The following FBXL7 variants were observed in gnomAD, a reference collection of about 807,000 sequenced individuals.
FBXL7 encodes the protein F-box/LRR-repeat protein 7.
A neutral mutation model predicts 38.3 loss-of-function variants in FBXL7; 12 were observed. The ratio of observed to expected loss-of-function variants is 0.31; its 90% confidence interval spans 0.20 to 0.51. The LOEUF (loss-of-function observed/expected upper bound fraction) is 0.51. Among genes scored for constraint, FBXL7 ranks in the 20% least tolerant of loss-of-function variants. FBXL7 has a pLI of 0.98. For synonymous variants in FBXL7, 297 were observed against 300.9 expected, an observed-to-expected ratio of 0.99 and a Z score of 0.13; for missense variants, 567 against 676.4, an observed-to-expected ratio of 0.84 and a Z score of 1.79.
intron 2 of FBXL7, among the ~76,000 whole-genome samples, chr5:15,743,561 C>T (rs1488391449): frequency 6.6e-6 from 1 of 152,210 alleles, no homozygotes; most frequent in Admixed American, 6.5e-5. Context: ...TCACAGCTGG[C>T]ATTGAGTGTC....
Position 15,925,800 on chromosome 5 carries a change from T to C in FBXL7, c.128-2090T>C, listed in dbSNP as rs1579606973. 2.6e-5 allele frequency among the ~76,000 whole-genome samples: 4 copies of C among 152,364 alleles called. No individual in the cohort carries two copies. In the South Asian group the frequency reaches 8.3e-4, roughly 32 times the overall value. On this transcript the variant is annotated intron_variant, in intron 2 of 3. Transcript: ENST00000504595. Reference sequence around the variant, plus strand: ...CTATATAGATACATACCTATACAGATAGTTCCTGATTTTACTATGGCTTAA... The same window carrying C: ...CTATATAGATACATACCTATACAGACAGTTCCTGATTTTACTATGGCTTAA...
At chr5:15,715,801 G>T (rs1189415254) in intron 2 of FBXL7, among the ~76,000 whole-genome samples, 1 of 152,092 alleles carries the variant, frequency 6.6e-6, no homozygotes, top group Non-Finnish European at 1.5e-5. Flanking sequence ...TCCTATCTAA[G>T]CATGCTACTT....
intron 2 of FBXL7, among the ~76,000 whole-genome samples, chr5:15,694,261 G>T (rs1743266678): frequency 6.6e-6 from 1 of 152,236 alleles, no homozygotes; most frequent in Admixed American, 6.5e-5. Flanking sequence ...TTTCACCTGT[G>T]CATAAGTGTA....
At chr5:15,507,021 C>T (rs916433723) in intron 1 of FBXL7, among the ~76,000 whole-genome samples, 1 of 150,560 alleles carries the variant, frequency 6.6e-6, no homozygotes, top group Non-Finnish European at 1.5e-5. Context: ...TATGTTTCAT[C>T]CACTTATAAC....
chr5:15,927,791 G>C, intron 2 of FBXL7, 99 bp from the exon 3 acceptor site: 2 of 516,818 alleles, frequency 3.9e-6, no homozygotes, highest in African/African-American at 3.8e-5. Flanking sequence ...AAAAAAAGAA[G>C]AAGAAAGAAA....
chr5:15,827,680 C>G (rs1738352659), intron 2 of FBXL7, among the ~76,000 whole-genome samples: 1 of 152,156 alleles, frequency 6.6e-6, no homozygotes, highest in African/African-American at 2.4e-5. Flanking sequence ...ACAGAGCCCT[C>G]ACAGCCCAAT....
chr5:15,696,486 G>T (rs888721241), intron 2 of FBXL7, among the ~76,000 whole-genome samples: 6 of 151,960 alleles, frequency 3.9e-5, no homozygotes, highest in African/African-American at 1.4e-4. Context: ...GCTGAACCTC[G>T]ACCTAAATTC....
intron 2 of FBXL7, among the ~76,000 whole-genome samples, chr5:15,826,903 T>G (rs972421928): frequency 6.6e-6 from 1 of 150,840 alleles, no homozygotes; most frequent in African/African-American, 2.4e-5. Context: ...GACATTCTCC[T>G]CTGGGCTGTA....
chr5:15,662,477 T>C (rs1010161036), intron 2 of FBXL7, among the ~76,000 whole-genome samples: 3 of 152,230 alleles, frequency 2.0e-5, no homozygotes, highest in Non-Finnish European at 4.4e-5. Context: ...GTTGATAGTT[T>C]CTTTTTCTGT....
intron 2 of FBXL7, among the ~76,000 whole-genome samples, chr5:15,723,004 T>C (rs547971583): frequency 9.2e-5 from 14 of 151,824 alleles, no homozygotes; most frequent in Non-Finnish European, 1.8e-4. Flanking sequence ...AATGGATAAT[T>C]CATGTTACAC....
chr5:15,536,770 T>C (rs1737597914), intron 1 of FBXL7, among the ~76,000 whole-genome samples: 1 of 152,074 alleles, frequency 6.6e-6, no homozygotes, highest in South Asian at 2.1e-4. Context: ...GTTTAGACTT[T>C]GGGGGACTGT....
Position 15,814,374 on chromosome 5 carries a change from C to A in FBXL7, c.128-113516C>A, listed in dbSNP as rs180867317. ...TTCTCACTCTTAAGTAGGAGTCGAA[C>A]AATGAGAACACATGGACACAGGGAA... On this transcript the variant is annotated intron_variant, in intron 2 of 3. Coordinates refer to ENST00000504595, the MANE Select transcript of FBXL7 (RefSeq NM_012304.5). 2.9e-3 allele frequency among the ~76,000 whole-genome samples: 436 copies of A among 152,132 alleles called. 2 individuals are homozygous for A. Among genetic ancestry groups the A allele is most frequent in the South Asian group, 0.017 (80 of 4,816 alleles).
At chr5:15,664,838 T>C (rs1306185578) in intron 2 of FBXL7, among the ~76,000 whole-genome samples, 1 of 149,534 alleles carries the variant, frequency 6.7e-6, no homozygotes, top group East Asian at 2.0e-4. Flanking sequence ...GTGGTTTTGC[T>C]TGTGTTGCTT....
chr5:15,500,725 G>C lies in FBXL7; in HGVS notation c.37+12G>C. 1 of 1,603,770 alleles carries C rather than the reference G, an allele frequency of 6.2e-7. No homozygotes were observed. The highest frequency in any genetic ancestry group is 1.7e-5 in the Admixed American group (1 of 59,290). ...GTACGGCAGTGAGGGTGAGTGGGCC[G>C]CCCGTCCTCAGACTCCCGGATCGCG... On this transcript the variant is annotated intron_variant, in intron 1 of 3. Coordinates refer to ENST00000504595, the MANE Select transcript of FBXL7 (RefSeq NM_012304.5).
At chr5:15,631,533 T>C (rs985003300) in intron 2 of FBXL7, among the ~76,000 whole-genome samples, 2 of 151,482 alleles carry the variant, frequency 1.3e-5, no homozygotes, top group African/African-American at 2.4e-5. Context: ...CCGTCCCTAC[T>C]AAAAATACAA....
At position 15,936,687 on chromosome 5, in the gene FBXL7, T is replaced by C; in HGVS notation, c.977T>C (p.Ile326Thr). ...LRYLVIYCAS[I>T]KELSVSDCRF... ...TACCTGGTGATCTACTGCGCCTCCATCAAGGAGCTGAGCGTCAGCGACTGC... is the reference window on the plus strand; with the variant it reads ...TACCTGGTGATCTACTGCGCCTCCACCAAGGAGCTGAGCGTCAGCGACTGC... Residue 326 changes from isoleucine to threonine, a missense_variant, in exon 4 of 4, where the codon ATC becomes ACC. Coordinates refer to ENST00000504595, the MANE Select transcript of FBXL7 (RefSeq NM_012304.5). The surrounding 1 kb of genome is among the most constrained non-coding windows in gnomAD (Gnocchi z 6.0). The C allele has an allele frequency of 6.2e-7, 1 of 1,608,520 alleles. No individual in the cohort carries two copies. The highest frequency in any genetic ancestry group is 8.5e-7 in the Non-Finnish European group (1 of 1,179,684).
At chr5:15,505,840 C>T (rs541657138) in intron 1 of FBXL7, among the ~76,000 whole-genome samples, 1 of 152,278 alleles carries the variant, frequency 6.6e-6, no homozygotes, top group Admixed American at 6.5e-5. Flanking sequence ...GTGTCCCCCA[C>T]ATCCGCTGGG....
chr5:15,539,169 A>C (rs1256702430), intron 1 of FBXL7, among the ~76,000 whole-genome samples: 1 of 152,230 alleles, frequency 6.6e-6, no homozygotes, highest in Non-Finnish European at 1.5e-5. Flanking sequence ...TAATGGCAAT[A>C]AAAATGCAAC....
chr5:15,697,700 T>G (rs1743383397), intron 2 of FBXL7, among the ~76,000 whole-genome samples: 1 of 152,162 alleles, frequency 6.6e-6, no homozygotes. Context: ...TCACAGGAAC[T>G]CATTTGCTTC....
Sources: gnomAD v4.1 joint callset for allele counts (sites outside exome capture counted in the v4.1 genomes callset) on GRCh38, gnomAD v4.1.1 for gene constraint, Gnocchi (gnomAD v3.1) non-coding constraint, MANE v1.5 for transcripts, NCBI Gene and HGNC (gene_info 2026-07-23, HGNC 2026-07-21) for gene names.